PCCA: variants seen among roughly 807,000 people sequenced by gnomAD.
PCCA encodes the protein propionyl-CoA carboxylase alpha chain, mitochondrial.
In PCCA, 74 loss-of-function variants were observed where a neutral mutation model predicts 101.3. The ratio of observed to expected loss-of-function variants is 0.73; its 90% CI spans 0.61 to 0.89. The LOEUF is 0.89. PCCA is among the 40% of genes least tolerant of loss of function. The probability of loss-of-function intolerance (pLI) is 0.00; values close to 1 mark genes in which losing one functional copy is unlikely to be tolerated. For synonymous variants in PCCA, 294 were observed against 313.6 expected (o/e 0.94, Z 0.66); for missense variants, 891 against 907.0 (o/e 0.98, Z 0.23).
intron 21 of PCCA, chr13:100,491,867 T>A: frequency 1.4e-6 from 1 of 719,684 alleles, no homozygotes; most frequent in Non-Finnish European, 1.8e-6. Flanking sequence ...GAATATGAGT[T>A]AAATGAGAAT....
At chr13:100,217,499 CT>C (rs2059584878) in intron 7 of PCCA, among the ~76,000 whole-genome samples, 1 of 151,768 alleles carries the variant, frequency 6.6e-6, no homozygotes, top group Non-Finnish European at 1.5e-5. Context: ...AAAATAAGGA[CT>C]TTAGATAGAC....
At chr13:100,455,591 T>C (rs766327358) in intron 21 of PCCA, among the ~76,000 whole-genome samples, 14 of 152,242 alleles carry the variant, frequency 9.2e-5, no homozygotes, top group African/African-American at 3.4e-4. Flanking sequence ...ACTAGCCTGC[T>C]ACTCATGGAT....
Position 100,112,068 on chromosome 13 carries a change from A to C in PCCA, c.300+7A>C. ...TGATGTTGATGCTAGTTCTGTAAGT[A>C]TATTTTTGCTTTGTTTAAATCAGGA... On this transcript the variant is annotated splice_region_variant and intron_variant, in intron 4 of 23. Coordinates refer to ENST00000376285, the MANE Select transcript of PCCA (RefSeq NM_000282.4). 6.2e-7 allele frequency: 1 copy of C among 1,605,954 alleles called. No homozygotes were observed. The highest frequency in any genetic ancestry group is 8.5e-7 in the Non-Finnish European group (1 of 1,174,364).
At chr13:100,147,681 A>T (rs146019540) in intron 4 of PCCA, among the ~76,000 whole-genome samples, 1 of 152,178 alleles carries the variant, frequency 6.6e-6, no homozygotes, top group Non-Finnish European at 1.5e-5. Context: ...AATTAATCTT[A>T]AAGATTGCAA....
chr13:100,111,951 G>T, intron 3 of PCCA, 42 bp from the exon 4 acceptor site: 1 of 1,571,630 alleles, frequency 6.4e-7, no homozygotes, highest in South Asian at 1.1e-5. Context: ...ACCCCTTTAA[G>T]TGTGAATCAC....
At chr13:100,265,230 G>C (rs2062846395) in intron 10 of PCCA, among the ~76,000 whole-genome samples, 1 of 152,088 alleles carries the variant, frequency 6.6e-6, no homozygotes, top group African/African-American at 2.4e-5. Flanking sequence ...ACCCTAGTTA[G>C]GAGTTTTTTT....
At chr13:100,279,890 T>G (rs1167699777) in intron 12 of PCCA, among the ~76,000 whole-genome samples, 2 of 152,236 alleles carry the variant, frequency 1.3e-5, no homozygotes, top group Non-Finnish European at 2.9e-5. Flanking sequence ...TTATCTCTAA[T>G]TAGTGTTTCA....
chr13:100,387,704 G>A (rs769291906), intron 19 of PCCA, among the ~76,000 whole-genome samples: 19 of 152,136 alleles, frequency 1.2e-4, no homozygotes, highest in Non-Finnish European at 2.2e-4. Flanking sequence ...TTAAATGCAG[G>A]TTTGTTCAGT....
intron 19 of PCCA, among the ~76,000 whole-genome samples, chr13:100,421,647 A>G (rs1457814179): frequency 6.6e-6 from 1 of 151,478 alleles, no homozygotes; most frequent in Non-Finnish European, 1.5e-5. Flanking sequence ...GAGAAATTAG[A>G]CTGACCTGAG....
intron 12 of PCCA, among the ~76,000 whole-genome samples, chr13:100,292,776 CT>C (rs2065228959): frequency 6.6e-6 from 1 of 152,062 alleles, no homozygotes; most frequent in African/African-American, 2.4e-5. Context: ...AAGAGATCTC[CT>C]TTCTGTTATA....
At chr13:100,258,935 G>A (rs2152560183) in intron 9 of PCCA, among the ~76,000 whole-genome samples, 1 of 152,254 alleles carries the variant, frequency 6.6e-6, no homozygotes, top group East Asian at 1.9e-4. Flanking sequence ...GTGCCTATTA[G>A]ATTTAATAAT....
chr13:100,264,029 G>C (rs934655950), intron 10 of PCCA, among the ~76,000 whole-genome samples: 2 of 135,624 alleles, frequency 1.5e-5, no homozygotes, highest in African/African-American at 5.5e-5. Context: ...TCTGTATATC[G>C]TATATATACG....
chr13:100,436,191 C>T (rs2079920929), intron 20 of PCCA, among the ~76,000 whole-genome samples: 1 of 152,168 alleles, frequency 6.6e-6, no homozygotes, highest in African/African-American at 2.4e-5. Flanking sequence ...TTACTTTATA[C>T]TCACCTCATG....
At chr13:100,344,467 A>G (rs140646331) in intron 18 of PCCA, among the ~76,000 whole-genome samples, 103 of 152,298 alleles carry the variant, frequency 6.8e-4, no homozygotes, top group African/African-American at 2.4e-3. Context: ...AATAATATAT[A>G]TGCCCCTTTG....
chr13:100,387,254 A>G (rs779880996), intron 19 of PCCA, among the ~76,000 whole-genome samples: 5 of 152,242 alleles, frequency 3.3e-5, no homozygotes, highest in Admixed American at 6.5e-5. Flanking sequence ...AACATAGGTC[A>G]GAGTAAGGAA....
At chr13:100,515,376 G>T in intron 21 of PCCA, 51 bp from the exon 22 acceptor site, 1 of 1,565,750 alleles carries the variant, frequency 6.4e-7, no homozygotes. Flanking sequence ...CTACTTTTGA[G>T]GAAAATTTCA....
At chr13:100,112,347 A>G (rs1373828483) in intron 4 of PCCA, among the ~76,000 whole-genome samples, 1 of 152,180 alleles carries the variant, frequency 6.6e-6, no homozygotes, top group Non-Finnish European at 1.5e-5. Flanking sequence ...TGAGTCAAAG[A>G]TTAATGAAAT....
intron 8 of PCCA, among the ~76,000 whole-genome samples, chr13:100,245,137 T>C (rs998903479): frequency 2.6e-5 from 4 of 152,156 alleles, no homozygotes; most frequent in Admixed American, 1.3e-4. Flanking sequence ...AAACTAAATA[T>C]AACTATTTTG....
chr13:100,448,480 C>G (rs1185769614), intron 20 of PCCA, among the ~76,000 whole-genome samples: 1 of 152,142 alleles, frequency 6.6e-6, no homozygotes, highest in Non-Finnish European at 1.5e-5. Flanking sequence ...CATGAGCCAC[C>G]GCGCCTGGCC....
Sources: gnomAD v4.1 joint callset for allele counts (sites outside exome capture counted in the v4.1 genomes callset) on GRCh38, gnomAD v4.1.1 for gene constraint, MANE v1.5 for transcripts, NCBI Gene and HGNC (gene_info 2026-07-23, HGNC 2026-07-21) for gene names.